The following CDRT4 variants were observed in gnomAD, a reference collection of about 807,000 sequenced individuals.
The protein encoded by CDRT4 is CMT1A duplicated region transcript 4.
For synonymous variants in CDRT4, 64 were observed against 69.6 expected (o/e 0.92, Z 0.40); for missense variants, 167 against 193.1 (o/e 0.87, Z 0.80).
chr17:15,443,232 G>A (rs1216029631), intron 2 of CDRT4, among the ~76,000 whole-genome samples: 1 of 151,796 alleles, frequency 6.6e-6, no homozygotes, highest in African/African-American at 2.4e-5. Flanking sequence ...TGAGGAAGAG[G>A]ATGAACTCCT....
intron 2 of CDRT4, among the ~76,000 whole-genome samples, chr17:15,441,264 C>T (rs374062772): frequency 2.5e-4 from 38 of 152,254 alleles, no homozygotes; most frequent in African/African-American, 8.4e-4. Flanking sequence ...AACCATGGGT[C>T]GAAGGCAGTG....
Position 15,459,008 on chromosome 17 carries a change from G to A in CDRT4, c.-129-5923C>T, listed in dbSNP as rs116379608. Among the ~76,000 whole-genome samples the A allele has an allele frequency of 5.6e-3, 858 of 152,208 alleles. 5 individuals carry two copies. Among genetic ancestry groups the A allele is most frequent in the African/African-American group, 0.02 (823 of 41,518 alleles). ...GAGCAGGTCTGTCACTGCCTCACTT[G>A]GTAATAAAGAAAATCTGCAATTTTC... On this transcript the variant is annotated intron_variant, in intron 1 of 3. Coordinates refer to ENST00000619038, the MANE Select transcript of CDRT4 (RefSeq NM_001204477.2).
At chr17:15,446,349 G>A (rs1008366782) in intron 2 of CDRT4, among the ~76,000 whole-genome samples, 1 of 152,048 alleles carries the variant, frequency 6.6e-6, no homozygotes, top group Non-Finnish European at 1.5e-5. Flanking sequence ...TCTAACAAAT[G>A]GGTTCTGCGG....
In CDRT4 at chr17:15,440,253, T is replaced by A. The variant is rs771071603; in HGVS notation, c.-15A>T. 6.2e-7 allele frequency: 1 copy of A among 1,613,346 alleles called. No individual in the cohort carries two copies. Among genetic ancestry groups the A allele is most frequent in the Non-Finnish European group, 8.5e-7 (1 of 1,179,984 alleles). On this transcript the variant is annotated 5_prime_UTR_variant, in exon 3 of 4. It removes the in-frame stop codon of an upstream open reading frame in the 5' UTR. Coordinates refer to ENST00000619038, the MANE Select transcript of CDRT4 (RefSeq NM_001204477.2). ...CTTGCATCCATCTTCTTTTTAATATTTACTGATTTCTTAACATCACAGGTT... is the reference window on the plus strand; with the variant it reads ...CTTGCATCCATCTTCTTTTTAATATATACTGATTTCTTAACATCACAGGTT...
intron 1 of CDRT4, among the ~76,000 whole-genome samples, chr17:15,455,220 A>G (rs978931677): frequency 6.6e-6 from 1 of 152,096 alleles, no homozygotes; most frequent in Non-Finnish European, 1.5e-5. Flanking sequence ...AAATGTAACA[A>G]TTAATAGCTT....
Position 15,443,965 on chromosome 17 carries a change from T to C in CDRT4, c.-47-3680A>G, listed in dbSNP as rs77656165. ...CAGGAGAATGGGTCTCCTGTCGAAATCCAAAATTTCTTGGGTGAAAAATAC... is the reference window on the plus strand; with the variant it reads ...CAGGAGAATGGGTCTCCTGTCGAAACCCAAAATTTCTTGGGTGAAAAATAC... On this transcript the variant is annotated intron_variant, in intron 2 of 3. Coordinates refer to ENST00000619038, the MANE Select transcript of CDRT4 (RefSeq NM_001204477.2). 2.8e-3 allele frequency: 1,929 copies of C among 700,896 alleles called. 25 individuals are homozygous for C. In the African/African-American group the frequency reaches 0.03, roughly 11 times the overall value. 43.4% of individuals were successfully genotyped at this position (700,896 alleles called of 1,614,324 possible).
At chr17:15,460,908 G>C (rs185822452) in intron 1 of CDRT4, among the ~76,000 whole-genome samples, 122 of 143,282 alleles carry the variant, frequency 8.5e-4, no homozygotes, top group East Asian at 7.1e-3. Flanking sequence ...CCACCCTCCA[G>C]CCACAGTGTC....
intron 2 of CDRT4, among the ~76,000 whole-genome samples, chr17:15,442,271 G>A (rs1040306363): frequency 1.2e-4 from 19 of 152,002 alleles, no homozygotes; most frequent in African/African-American, 4.3e-4. Flanking sequence ...TTAGCTGGGC[G>A]TGGTGATGCA....
intron 2 of CDRT4, among the ~76,000 whole-genome samples, chr17:15,452,203 C>A (rs1158995809): frequency 6.6e-6 from 1 of 152,222 alleles, no homozygotes; most frequent in East Asian, 1.9e-4. Flanking sequence ...TAGCACTGCT[C>A]TTTACTGCTT....
chr17:15,463,560 G>T (rs1308962472), intron 1 of CDRT4, among the ~76,000 whole-genome samples: 1 of 152,144 alleles, frequency 6.6e-6, no homozygotes, highest in African/African-American at 2.4e-5. Context: ...CTTGGTGTCC[G>T]GTTTCAGCTA....
At chr17:15,447,455 C>G (rs1023487343) in intron 2 of CDRT4, among the ~76,000 whole-genome samples, 2 of 152,178 alleles carry the variant, frequency 1.3e-5, no homozygotes, top group Non-Finnish European at 2.9e-5. Context: ...CTTCCCCACT[C>G]GGGATCCATG....
chr17:15,458,244 C>T (rs1368980644), intron 1 of CDRT4, among the ~76,000 whole-genome samples: 1 of 152,174 alleles, frequency 6.6e-6, no homozygotes, highest in Non-Finnish European at 1.5e-5. Context: ...TTGCTTTACC[C>T]AGGGGTCTAT....
In CDRT4 at chr17:15,436,545, T is replaced by C. The variant is rs963554580; in HGVS notation, c.*1228A>G. ...GAGAAGAGTTCAGCATAGCTCGCTTTGGGGCCAACTCAGAGCAAGGGTGAA... is the reference window on the plus strand; with the variant it reads ...GAGAAGAGTTCAGCATAGCTCGCTTCGGGGCCAACTCAGAGCAAGGGTGAA... On this transcript the variant is annotated 3_prime_UTR_variant, in exon 4 of 4. Transcript: ENST00000619038. 1 of 152,200 alleles carries C rather than the reference T, an allele frequency of 6.6e-6. No homozygotes were observed. The highest frequency in any genetic ancestry group is 2.4e-5 in the African/African-American group (1 of 41,452). 9.4% of individuals were successfully genotyped at this position (152,200 alleles called of 1,614,324 possible).
intron 1 of CDRT4, among the ~76,000 whole-genome samples, chr17:15,466,814 C>T (rs1266278161): frequency 6.6e-6 from 1 of 152,220 alleles, no homozygotes; most frequent in African/African-American, 2.4e-5. Context: ...AACAATCCTC[C>T]TGCCTCAGCC....
chr17:15,440,598 G>A (rs1034160170), intron 2 of CDRT4, among the ~76,000 whole-genome samples: 58 of 152,092 alleles, frequency 3.8e-4, no homozygotes, highest in Non-Finnish European at 5.1e-4. Context: ...CTGGTCCACA[G>A]AGGGGAAGTG....
At chr17:15,453,724 A>G (rs1979364172) in intron 1 of CDRT4, among the ~76,000 whole-genome samples, 1 of 152,244 alleles carries the variant, frequency 6.6e-6, no homozygotes, top group Non-Finnish European at 1.5e-5. Flanking sequence ...CGTATTAAAC[A>G]ATTGTTTTGG....
At chr17:15,462,187 G>C (rs1318439691) in intron 1 of CDRT4, among the ~76,000 whole-genome samples, 1 of 151,996 alleles carries the variant, frequency 6.6e-6, no homozygotes, top group Non-Finnish European at 1.5e-5. Context: ...CCAGCACTTT[G>C]GGAGGCCGAG....
chr17:15,443,098 C>A (rs969004587), intron 2 of CDRT4, among the ~76,000 whole-genome samples: 2 of 152,106 alleles, frequency 1.3e-5, no homozygotes, highest in African/African-American at 4.8e-5. Flanking sequence ...TCTCATCCCA[C>A]CATTTTCAGA....
intron 2 of CDRT4, among the ~76,000 whole-genome samples, chr17:15,441,541 C>T (rs1232141117): frequency 6.6e-6 from 1 of 152,208 alleles, no homozygotes; most frequent in Admixed American, 6.5e-5. Flanking sequence ...ATGGAACACT[C>T]CTCCGAGATA....
Sources: gnomAD v4.1 joint callset for allele counts (sites outside exome capture counted in the v4.1 genomes callset) on GRCh38, gnomAD v4.1.1 for gene constraint, MANE v1.5 for transcripts, NCBI Gene and HGNC (gene_info 2026-07-23, HGNC 2026-07-21) for gene names.